CNTNAP3B: variants seen among roughly 807,000 people sequenced by gnomAD.
CNTNAP3B encodes the protein contactin associated protein family member 3B.
CNTNAP3B carries 25 observed loss-of-function variants against 108.9 expected under a neutral mutation model. The observed-to-expected ratio is 0.23, with a 90% CI of 0.17 to 0.32. The LOEUF is 0.32. Among genes scored for constraint, CNTNAP3B ranks in the 10% least tolerant of loss-of-function variants. CNTNAP3B has a pLI of 1.00. For missense variants in CNTNAP3B, 252 were observed against 1,210.4 expected (o/e 0.21, Z 11.75); for synonymous variants, 103 against 473.4 (o/e 0.22, Z 10.16).
chr9:41,934,095 T>C (rs1402916389), intron 14 of CNTNAP3B, among the ~76,000 whole-genome samples: 1 of 26,426 alleles, frequency 3.8e-5, no homozygotes, highest in Non-Finnish European at 7.6e-5. Flanking sequence ...TTTGCATATT[T>C]GTTACATATA....
At chr9:42,041,817 C>T (rs1187421899) in intron 3 of CNTNAP3B, among the ~76,000 whole-genome samples, 1 of 143,092 alleles carries the variant, frequency 7.0e-6, no homozygotes, top group African/African-American at 2.7e-5. Context: ...TCTGCAATAG[C>T]AAAGACTTGG....
At chr9:41,981,974 C>A (rs1341965195) in intron 9 of CNTNAP3B, among the ~76,000 whole-genome samples, 1 of 69,348 alleles carries the variant, frequency 1.4e-5, no homozygotes, top group East Asian at 8.3e-4. Flanking sequence ...GAGGCTGAGG[C>A]GGGGGAACCT....
chr9:41,995,818 C>A (rs62554987), intron 7 of CNTNAP3B, among the ~76,000 whole-genome samples: 2 of 127,182 alleles, frequency 1.6e-5, no homozygotes, highest in African/African-American at 3.2e-5. Context: ...GGCAGATCAC[C>A]TGAGGTCAGG....
intron 14 of CNTNAP3B, among the ~76,000 whole-genome samples, chr9:41,937,111 TAA>T (rs1164330354): frequency 1.6e-4 from 8 of 51,006 alleles, no homozygotes; most frequent in Admixed American, 8.5e-4. Context: ...TTTTATTTAT[TAA>T]TTTATTATTA....
intron 13 of CNTNAP3B, among the ~76,000 whole-genome samples, chr9:41,941,364 ACT>A (rs1219602092): frequency 1.4e-5 from 2 of 140,138 alleles, no homozygotes; most frequent in Admixed American, 1.4e-4. Context: ...GAAAAAATAC[ACT>A]CTGCAAAACT....
chr9:42,072,951 A>T lies in CNTNAP3B; in HGVS notation c.390+3918T>A, dbSNP rs569615818. 2.2e-5 allele frequency among the ~76,000 whole-genome samples: 3 copies of T among 139,416 alleles called. No individual in the cohort carries two copies. The South Asian group carries it at 6.9e-4, about 32-fold the overall frequency. 91.5% of individuals were successfully genotyped at this position (139,416 alleles called of 152,430 possible). On this transcript the variant is annotated intron_variant, in intron 3 of 23. Coordinates refer to ENST00000377561, the MANE Select transcript of CNTNAP3B (RefSeq NM_001201380.3). ...TACTATTTTTGCAATAAAACATATG[A>T]ATATTCACATTAAGCAGAGTAACTA...
chr9:42,127,786 T>C lies in CNTNAP3B; in HGVS notation c.85+1224A>G, dbSNP rs1564203010. On this transcript the variant is annotated intron_variant, in intron 1 of 23. Transcript: ENST00000377561. ...TAACTGAGGCACAACTGAATCATGA[T>C]GCACAGTGAGTGCATGAACCCATGT... Among the ~76,000 whole-genome samples the C allele has an allele frequency of 2.1e-5, 3 of 139,562 alleles. 1 individual carries two copies. Among genetic ancestry groups the C allele is most frequent in the Non-Finnish European group, 4.6e-5 (3 of 65,120 alleles). 91.6% of individuals were successfully genotyped at this position (139,562 alleles called of 152,430 possible).
chr9:41,986,217 C>T lies in CNTNAP3B; in HGVS notation c.1428G>A (p.Gln476=), dbSNP rs1454145035. 3 of 1,100,534 alleles carry T rather than the reference C, an allele frequency of 2.7e-6. 1 individual carries two copies. In the South Asian group the frequency reaches 4.3e-5, roughly 16 times the overall value. The allele number at this position is 1,100,534 out of a possible 1,614,324, so 68.2% of individuals were successfully genotyped here. Residue 476 remains glutamine, a synonymous_variant, in exon 9 of 24, where the codon CAG becomes CAA. Transcript: ENST00000377561. ...NVVVDDDTAV[Q]PLVAVLIDSG... ...AATCAATGAGCACAGCCACCAGGGGCTGAACAGCTGTGTCATCATCCACCA... is the reference window on the plus strand; with the variant it reads ...AATCAATGAGCACAGCCACCAGGGGTTGAACAGCTGTGTCATCATCCACCA...
intron 3 of CNTNAP3B, among the ~76,000 whole-genome samples, chr9:42,030,512 G>T: frequency 2.3e-5 from 1 of 43,868 alleles, no homozygotes; most frequent in East Asian, 6.5e-4. Context: ...GAAGCTTGCA[G>T]ACTGGTTCTC....
chr9:41,940,128 T>C (rs1172263040), intron 13 of CNTNAP3B, among the ~76,000 whole-genome samples: 3 of 152,286 alleles, frequency 2.0e-5, no homozygotes, highest in Non-Finnish European at 2.9e-5. Flanking sequence ...TAGGGTCCTA[T>C]CAGACAATAT....
intron 17 of CNTNAP3B, among the ~76,000 whole-genome samples, chr9:41,920,881 A>G (rs1823648559): frequency 6.6e-6 from 1 of 152,304 alleles, no homozygotes; most frequent in African/African-American, 2.4e-5. Context: ...TCCTCCTCTC[A>G]GAGGGTACAG....
chr9:41,916,923 G>T (rs1471245181), intron 18 of CNTNAP3B, among the ~76,000 whole-genome samples: 1 of 148,496 alleles, frequency 6.7e-6, no homozygotes, highest in Non-Finnish European at 1.5e-5. Flanking sequence ...GTTGATCCTG[G>T]CGTTTCCTTG....
At chr9:42,051,924 T>G (rs1294667735) in intron 3 of CNTNAP3B, among the ~76,000 whole-genome samples, 58 of 152,000 alleles carry the variant, frequency 3.8e-4, no homozygotes, top group South Asian at 4.1e-4. Context: ...AATAGCTCCC[T>G]TGGGAACTCT....
intron 14 of CNTNAP3B, among the ~76,000 whole-genome samples, chr9:41,935,627 C>A (rs1287978451): frequency 6.6e-6 from 1 of 152,202 alleles, no homozygotes; most frequent in East Asian, 1.9e-4. Context: ...CCATACACAC[C>A]CCCACATTTA....
intron 3 of CNTNAP3B, among the ~76,000 whole-genome samples, chr9:42,070,798 C>T (rs1340639670): frequency 6.6e-6 from 1 of 152,140 alleles, no homozygotes; most frequent in Non-Finnish European, 1.5e-5. Flanking sequence ...TCCAGTCAGG[C>T]CCGGAAAATA....
chr9:42,051,894 C>T (rs1482862719), intron 3 of CNTNAP3B, among the ~76,000 whole-genome samples: 1 of 152,116 alleles, frequency 6.6e-6, no homozygotes, highest in African/African-American at 2.4e-5. Flanking sequence ...GCTAATAAAA[C>T]TTTTGCCAGA....
intron 2 of CNTNAP3B, among the ~76,000 whole-genome samples, chr9:42,098,181 CTGTG>C (rs1421947824): frequency 2.2e-5 from 3 of 137,976 alleles, no homozygotes; most frequent in Non-Finnish European, 3.1e-5. Context: ...ACCATTTTCT[CTGTG>C]TGTGTGTCTA....
At chr9:42,032,890 CCT>C (rs1402623203) in intron 3 of CNTNAP3B, among the ~76,000 whole-genome samples, 8 of 134,440 alleles carry the variant, frequency 6.0e-5, no homozygotes, top group African/African-American at 2.3e-4. Flanking sequence ...TCTCTCTCCC[CCT>C]CTCTTCCTAT....
At chr9:41,978,430 AC>A (rs1172636986) in intron 9 of CNTNAP3B, among the ~76,000 whole-genome samples, 1 of 90,004 alleles carries the variant, frequency 1.1e-5, no homozygotes. Flanking sequence ...CTCTAGGGAT[AC>A]CTGTATGGTG....
Sources: gnomAD v4.1 joint callset for allele counts (sites outside exome capture counted in the v4.1 genomes callset) on GRCh38, gnomAD v4.1.1 for gene constraint, MANE v1.5 for transcripts, NCBI Gene and HGNC (gene_info 2026-07-23, HGNC 2026-07-21) for gene names.